The following TMEM74 variants were observed in gnomAD, a reference collection of about 807,000 sequenced individuals.
TMEM74 encodes the protein transmembrane protein 74.
In TMEM74, 13 loss-of-function variants were observed where a neutral mutation model predicts 18.1. The ratio of observed to expected loss-of-function variants is 0.72; its 90% CI spans 0.47 to 1.14. TMEM74 has a LOEUF of 1.14. Among genes scored for constraint, TMEM74 ranks in the 50% most tolerant of loss-of-function variants. The probability of loss-of-function intolerance (pLI) is 0.00; values close to 1 mark genes in which losing one functional copy is unlikely to be tolerated. For synonymous variants in TMEM74, 159 were observed against 146.6 expected (o/e 1.08, Z -0.61); for missense variants, 372 against 375.9 (o/e 0.99, Z 0.09).
At chr8:108,680,507 G>T (rs1418230110) in intron 1 of TMEM74, among the ~76,000 whole-genome samples, 1 of 152,132 alleles carries the variant, frequency 6.6e-6, no homozygotes, top group Non-Finnish European at 1.5e-5. Context: ...GGTACTGATG[G>T]GATGTATCTC....
intron 1 of TMEM74, among the ~76,000 whole-genome samples, chr8:108,677,470 A>C (rs896767232): frequency 6.6e-6 from 1 of 152,202 alleles, no homozygotes; most frequent in Non-Finnish European, 1.5e-5. Flanking sequence ...ATTTGAAAAT[A>C]CAATAGCTTA....
intron 2 of TMEM74, among the ~76,000 whole-genome samples, chr8:108,654,181 A>G (rs1048967462): frequency 1.3e-5 from 2 of 152,124 alleles, no homozygotes; most frequent in Admixed American, 6.6e-5. Context: ...AACAATAAAG[A>G]TGGAAAAAAG....
chr8:108,746,625 A>G (rs958947593), intron 1 of TMEM74, among the ~76,000 whole-genome samples: 11 of 152,114 alleles, frequency 7.2e-5, no homozygotes, highest in African/African-American at 2.4e-4. Flanking sequence ...ATGTGCTTAT[A>G]AGATGACTGG....
intron 1 of TMEM74, among the ~76,000 whole-genome samples, chr8:108,787,041 CTT>C (rs1174422795): frequency 5.9e-5 from 9 of 152,232 alleles, no homozygotes; most frequent in African/African-American, 2.2e-4. Context: ...GCTAAAGACT[CTT>C]TTCTTCCGTC....
intron 1 of TMEM74, among the ~76,000 whole-genome samples, chr8:108,673,360 C>T (rs917439330): frequency 3.2e-4 from 48 of 152,298 alleles, no homozygotes; most frequent in African/African-American, 1.1e-3. Context: ...TTTATTGTCA[C>T]ATGATCTCAG....
At chr8:108,761,223 G>A (rs931341031) in intron 1 of TMEM74, among the ~76,000 whole-genome samples, 14 of 152,056 alleles carry the variant, frequency 9.2e-5, no homozygotes, top group African/African-American at 2.7e-4. Flanking sequence ...AGTCAGGAAC[G>A]TGGGCTCTAT....
chr8:108,612,972 C>T (rs1424507804), intron 2 of TMEM74, among the ~76,000 whole-genome samples: 1 of 152,160 alleles, frequency 6.6e-6, no homozygotes, highest in Non-Finnish European at 1.5e-5. Flanking sequence ...CTTGCCACTT[C>T]TGCCACTTTG....
chr8:108,635,004 G>A (rs1812592651), intron 2 of TMEM74, among the ~76,000 whole-genome samples: 1 of 151,852 alleles, frequency 6.6e-6, no homozygotes, highest in Admixed American at 6.6e-5. Context: ...CCTTGTATAT[G>A]CATTCATATT....
chr8:108,755,167 C>A (rs1187284278), intron 1 of TMEM74, among the ~76,000 whole-genome samples: 1 of 152,102 alleles, frequency 6.6e-6, no homozygotes, highest in Admixed American at 6.6e-5. Flanking sequence ...AGGAACACTG[C>A]AGTCAAGGCC....
intron 1 of TMEM74, among the ~76,000 whole-genome samples, chr8:108,669,763 C>T (rs889434296): frequency 6.6e-6 from 1 of 152,146 alleles, no homozygotes; most frequent in Non-Finnish European, 1.5e-5. Flanking sequence ...TGGGGCCAGG[C>T]ATGGTGGCTC....
intron 1 of TMEM74, among the ~76,000 whole-genome samples, chr8:108,756,701 AAG>A (rs1813975983): frequency 5.7e-5 from 7 of 122,602 alleles, no homozygotes; most frequent in Non-Finnish European, 6.8e-5. Context: ...AGAAAGAAGG[AAG>A]GAAAGAAAGA....
At chr8:108,607,370 G>A (rs1812286958) in exon 4 of TMEM74, 2 of 152,090 alleles carry the variant, frequency 1.3e-5, no homozygotes, top group Non-Finnish European at 2.9e-5. Context: ...TATACATCGA[G>A]GAGTCAAAAA....
chr8:108,695,992 A>G (rs981628253), intron 1 of TMEM74, among the ~76,000 whole-genome samples: 8 of 152,046 alleles, frequency 5.3e-5, no homozygotes, highest in Admixed American at 3.9e-4. Flanking sequence ...CGAATAATCT[A>G]CCCTGAAGCT....
intron 1 of TMEM74, among the ~76,000 whole-genome samples, chr8:108,745,964 C>A (rs1020466800): frequency 6.6e-6 from 1 of 152,132 alleles, no homozygotes; most frequent in Non-Finnish European, 1.5e-5. Context: ...AATCAGGACC[C>A]TCTCACACGC....
chr8:108,608,235 G>A (rs1435886886), intron 3 of TMEM74, among the ~76,000 whole-genome samples: 1 of 150,454 alleles, frequency 6.6e-6, no homozygotes, highest in Non-Finnish European at 1.5e-5. Context: ...CTGGGAGACG[G>A]AGGCAGCAGT....
chr8:108,741,524 TCCTC>T (rs1404053836), intron 1 of TMEM74, among the ~76,000 whole-genome samples: 4 of 152,158 alleles, frequency 2.6e-5, no homozygotes, highest in Admixed American at 6.5e-5. Flanking sequence ...TGCTTCATTT[TCCTC>T]CCTCAGATCA....
At chr8:108,651,829 C>T (rs986374508) in intron 2 of TMEM74, among the ~76,000 whole-genome samples, 15 of 151,704 alleles carry the variant, frequency 9.9e-5, no homozygotes, top group Non-Finnish European at 1.9e-4. Flanking sequence ...TCAGTCTGTT[C>T]ACCCATTTCC....
chr8:108,629,654 G>T (rs1260084355), intron 2 of TMEM74, among the ~76,000 whole-genome samples: 1 of 152,026 alleles, frequency 6.6e-6, no homozygotes, highest in Non-Finnish European at 1.5e-5. Context: ...AACCCTACCA[G>T]TCAGAAGAGA....
intron 1 of TMEM74, among the ~76,000 whole-genome samples, chr8:108,668,662 G>GT (rs1217776252): frequency 6.6e-6 from 1 of 152,078 alleles, no homozygotes; most frequent in African/African-American, 2.4e-5. Flanking sequence ...AAAGAAACCA[G>GT]TTTTTCTGAC....
Sources: gnomAD v4.1 joint callset for allele counts (sites outside exome capture counted in the v4.1 genomes callset) on GRCh38, gnomAD v4.1.1 for gene constraint, MANE v1.5 for transcripts, NCBI Gene and HGNC (gene_info 2026-07-23, HGNC 2026-07-21) for gene names.